The following MORN1 variants were observed in gnomAD, a reference collection of about 807,000 sequenced individuals.
MORN1 encodes MORN repeat-containing protein 1.
In MORN1, 67 loss-of-function variants were observed where a neutral mutation model predicts 61.9. The observed-to-expected ratio is 1.08, with a 90% CI of 0.89 to 1.33. The LOEUF (loss-of-function observed/expected upper bound fraction) is 1.33, where lower values mean the gene tolerates loss of function less well. Ranked by LOEUF, MORN1 falls within the 40% of genes most tolerant of loss-of-function variation. MORN1 has a pLI of 0.00. For missense variants in MORN1, 752 were observed against 691.2 expected (o/e 1.09, Z -0.99); for synonymous variants, 301 against 292.0 (o/e 1.03, Z -0.31).
intron 12 of MORN1, among the ~76,000 whole-genome samples, chr1:2,325,142 C>T (rs995716103): frequency 6.7e-4 from 65 of 96,968 alleles, no homozygotes; most frequent in South Asian, 1.5e-3. Context: ...TTCCCTCCCT[C>T]CCTCCCTTCC....
At chr1:2,322,103 G>A (rs1323748840) in intron 13 of MORN1, 4 of 985,324 alleles carry the variant, frequency 4.1e-6, no homozygotes, top group East Asian at 1.1e-4. Context: ...GGGGCTCTCC[G>A]GGTGGGGCTG....
intron 12 of MORN1, among the ~76,000 whole-genome samples, chr1:2,336,018 AC>A (rs1236534640): frequency 6.6e-6 from 1 of 150,436 alleles, no homozygotes; most frequent in Non-Finnish European, 1.5e-5. Flanking sequence ...ACGGCCACAA[AC>A]CCCCCACGGT....
At chr1:2,366,323 G>A (rs995401725) in intron 8 of MORN1, among the ~76,000 whole-genome samples, 5 of 108,474 alleles carry the variant, frequency 4.6e-5, no homozygotes, top group African/African-American at 1.8e-4. Context: ...TCTGGGGACT[G>A]TTGTGGGGTG....
chr1:2,323,852 A>C (rs763402964), intron 13 of MORN1: 1 of 984,474 alleles, frequency 1.0e-6, no homozygotes, highest in Non-Finnish European at 1.2e-6. Flanking sequence ...GACATTCCCC[A>C]CATCAAGGGC....
In MORN1 at chr1:2,337,271, G is replaced by A. The variant is rs1041612294; in HGVS notation, c.1037-421C>T. ...CCTCCTCGGAGCGCAGCATGAGGAG[G>A]AAGATGGTTCTGCCCCAGCGGCCCA... On this transcript the variant is annotated intron_variant, in intron 10 of 13. Coordinates refer to ENST00000378531, the MANE Select transcript of MORN1 (RefSeq NM_024848.3). The surrounding 1 kb of genome is among the most constrained non-coding windows in gnomAD (Gnocchi z 5.7). Among the ~76,000 whole-genome samples, 1 of 152,216 alleles carries A rather than the reference G, an allele frequency of 6.6e-6. No individual in the cohort carries two copies. The highest frequency in any genetic ancestry group is 1.5e-5 in the Non-Finnish European group (1 of 68,026).
intron 8 of MORN1, among the ~76,000 whole-genome samples, chr1:2,365,378 G>T (rs1389914532): frequency 3.0e-4 from 42 of 137,880 alleles, no homozygotes; most frequent in Non-Finnish European, 5.0e-4. Context: ...TGGTGTATAA[G>T]AATGTTTGTG....
rs769537854 is a variant in MORN1 at position 2,372,374 on chromosome 1, G to A, written c.745+107C>T. ...GCTCTGGGCACGAAGTCACTGCTGT[G>A]CCTCAGGAGCCACATGCAACATCTC... On this transcript the variant is annotated intron_variant, in intron 8 of 13. Transcript: ENST00000378531. This position sits in a 1 kb window ranked among gnomAD's most constrained non-coding sequence, Gnocchi z 5.4. 7.6e-4 allele frequency: 638 copies of A among 841,214 alleles called. No individual in the cohort carries two copies. Among genetic ancestry groups the A allele is most frequent in the Non-Finnish European group, 1.1e-3 (583 of 541,250 alleles). 52.1% of individuals were successfully genotyped at this position (841,214 alleles called of 1,614,324 possible). A position where few individuals can be genotyped will look rare whatever the true frequency, so the allele number is the denominator to read the frequency against.
Position 2,387,384 on chromosome 1 carries a change from A to G in MORN1, c.358+35T>C. On this transcript the variant is annotated intron_variant, in intron 4 of 13. Coordinates refer to ENST00000378531, the MANE Select transcript of MORN1 (RefSeq NM_024848.3). ...AGGATTCCATGTCCTGAAAGCGCCC[A>G]CCCTCACAGCACCCGGCTCCTGTGG... 3.3e-6 allele frequency: 5 copies of G among 1,514,060 alleles called. No individual in the cohort carries two copies. In the South Asian group the frequency reaches 4.5e-5, roughly 14 times the overall value. The allele number at this position is 1,514,060 out of a possible 1,614,324, so 93.8% of individuals were successfully genotyped here.
At chr1:2,361,359 C>G (rs1641886171) in intron 8 of MORN1, among the ~76,000 whole-genome samples, 1 of 152,072 alleles carries the variant, frequency 6.6e-6, no homozygotes. Context: ...GAGTTTGAGA[C>G]CAGCCTGGCC....
chr1:2,390,623 G>A (rs897545240), intron 1 of MORN1: 49 of 985,296 alleles, frequency 5.0e-5, no homozygotes, highest in Non-Finnish European at 5.4e-5. Flanking sequence ...GGAGGGCAGG[G>A]GGTTACTACA....
intron 13 of MORN1, chr1:2,322,152 A>G (rs1640895784): frequency 1.0e-6 from 1 of 985,416 alleles, no homozygotes; most frequent in Non-Finnish European, 1.2e-6. Context: ...AGAGAAGGAA[A>G]AGTACTTTTC....
intron 4 of MORN1, 129 bp downstream of exon 4, chr1:2,387,290 C>T: frequency 2.7e-6 from 2 of 736,354 alleles, no homozygotes; most frequent in South Asian, 1.5e-5. Flanking sequence ...GGCATGGGCC[C>T]CCTACCTCCT....
intron 13 of MORN1, chr1:2,322,578 G>C (rs968323003): frequency 2.1e-4 from 208 of 985,262 alleles, no homozygotes; most frequent in Non-Finnish European, 2.4e-4. Flanking sequence ...CACGGTTCTG[G>C]GGGGCCTCGC....
At chr1:2,369,505 A>ATAAACTTC in intron 8 of MORN1, among the ~76,000 whole-genome samples, 1 of 152,202 alleles carries the variant, frequency 6.6e-6, no homozygotes, top group South Asian at 2.1e-4. Flanking sequence ...AACTGTATTT[A>ATAAACTTC]TTTATAAACA....
At chr1:2,343,438 A>G (rs1161203031) in intron 10 of MORN1, among the ~76,000 whole-genome samples, 1 of 152,182 alleles carries the variant, frequency 6.6e-6, no homozygotes, top group Non-Finnish European at 1.5e-5. Flanking sequence ...GTGCCGTTCC[A>G]GCCAGGCGGG....
chr1:2,367,875 T>C (rs534501874), intron 8 of MORN1, among the ~76,000 whole-genome samples: 127 of 152,262 alleles, frequency 8.3e-4, no homozygotes, highest in African/African-American at 2.8e-3. Context: ...GTGATCCACC[T>C]GCCTTGGCCT....
At chr1:2,322,806 C>G (rs575854595) in intron 13 of MORN1, 1 of 985,336 alleles carries the variant, frequency 1.0e-6, no homozygotes, top group Admixed American at 6.1e-5. Context: ...CTGAGGAGCC[C>G]GGCCACAGGC....
chr1:2,331,550 G>T (rs1641148151), intron 12 of MORN1, among the ~76,000 whole-genome samples: 1 of 152,186 alleles, frequency 6.6e-6, no homozygotes, highest in Non-Finnish European at 1.5e-5. Context: ...GCTTCGCAGG[G>T]TCAGAGCGTG....
At chr1:2,339,507 C>T (rs1376597796) in intron 10 of MORN1, among the ~76,000 whole-genome samples, 3 of 152,186 alleles carry the variant, frequency 2.0e-5, no homozygotes, top group East Asian at 1.9e-4. Flanking sequence ...GGGTCAGCCT[C>T]GTTGCCCCTG....
Sources: gnomAD v4.1 joint callset for allele counts (sites outside exome capture counted in the v4.1 genomes callset) on GRCh38, gnomAD v4.1.1 for gene constraint, Gnocchi (gnomAD v3.1) non-coding constraint, MANE v1.5 for transcripts, NCBI Gene and HGNC (gene_info 2026-07-23, HGNC 2026-07-21) for gene names.